The following ULK4 variants were observed in gnomAD, a reference collection of about 807,000 sequenced individuals.
ULK4 encodes the protein inactive serine/threonine-protein kinase ULK4.
Under a neutral mutation model 160.6 loss-of-function variants are expected in ULK4, and 133 were observed. The observed-to-expected ratio is 0.83, with a 90% CI of 0.72 to 0.96. The LOEUF (loss-of-function observed/expected upper bound fraction) is 0.96, where lower values mean the gene tolerates loss of function less well. Ranked by LOEUF, ULK4 falls within the 40% of genes least tolerant of loss-of-function variation. The pLI, the probability that ULK4 is intolerant of heterozygous loss-of-function variation, is 0.00. For missense variants in ULK4, 1,580 were observed against 1,499.5 expected (o/e 1.05, Z -0.89); for synonymous variants, 534 against 539.8 (o/e 0.99, Z 0.15).
intron 35 of ULK4, among the ~76,000 whole-genome samples, chr3:41,337,145 T>C (rs1575444787): frequency 6.6e-6 from 1 of 152,228 alleles, no homozygotes; most frequent in Non-Finnish European, 1.5e-5. Flanking sequence ...CCAGGTCTTA[T>C]GATTTAAGGT....
chr3:41,460,837 A>T (rs1372752962), intron 33 of ULK4, among the ~76,000 whole-genome samples: 1 of 152,082 alleles, frequency 6.6e-6, no homozygotes, highest in Non-Finnish European at 1.5e-5. Flanking sequence ...TCTCACAACC[A>T]CCCCGCAGAG....
At chr3:41,898,822 G>A (rs1472697377) in intron 13 of ULK4, among the ~76,000 whole-genome samples, 1 of 152,208 alleles carries the variant, frequency 6.6e-6, no homozygotes, top group East Asian at 1.9e-4. Flanking sequence ...GCCAAGGTAA[G>A]GCTCTATGCC....
intron 19 of ULK4, among the ~76,000 whole-genome samples, chr3:41,814,257 C>T (rs954169459): frequency 9.2e-5 from 14 of 152,180 alleles, no homozygotes; most frequent in African/African-American, 3.4e-4. Flanking sequence ...TGCTTTACAC[C>T]ATACAAGCTT....
chr3:41,322,504 A>G (rs1377167113), intron 35 of ULK4, among the ~76,000 whole-genome samples: 1 of 152,180 alleles, frequency 6.6e-6, no homozygotes, highest in Admixed American at 6.5e-5. Flanking sequence ...AGTATCTCTC[A>G]AAGTACTAAC....
At chr3:41,282,484 G>C (rs906189357) in intron 35 of ULK4, among the ~76,000 whole-genome samples, 35 of 152,198 alleles carry the variant, frequency 2.3e-4, no homozygotes, top group Non-Finnish European at 4.4e-4. Flanking sequence ...AGAGGCCTCA[G>C]AAATAACACC....
intron 21 of ULK4, among the ~76,000 whole-genome samples, chr3:41,771,667 C>T (rs2039383251): frequency 6.6e-6 from 1 of 152,132 alleles, no homozygotes; most frequent in Admixed American, 6.6e-5. Context: ...AATACCATCA[C>T]TACCACCACC....
chr3:41,449,046 T>C (rs558575394), intron 34 of ULK4, among the ~76,000 whole-genome samples: 1 of 152,058 alleles, frequency 6.6e-6, no homozygotes, highest in Non-Finnish European at 1.5e-5. Context: ...GTCTCCCAAG[T>C]AGTTGGGACT....
intron 16 of ULK4, among the ~76,000 whole-genome samples, 179 bp from the exon 17 acceptor site, chr3:41,884,131 A>T (rs1463390103): frequency 6.6e-6 from 1 of 152,246 alleles, no homozygotes; most frequent in Non-Finnish European, 1.5e-5. Flanking sequence ...TCTCCCTCGT[A>T]TACTTAGGGA....
At chr3:41,959,688 C>A (rs1223206898) in intron 1 of ULK4, among the ~76,000 whole-genome samples, 2 of 152,012 alleles carry the variant, frequency 1.3e-5, no homozygotes, top group Non-Finnish European at 2.9e-5. Context: ...TCTGTAATCC[C>A]AACGCTTTCG....
chr3:41,646,644 C>G (rs1174025013), intron 30 of ULK4, among the ~76,000 whole-genome samples: 1 of 152,306 alleles, frequency 6.6e-6, no homozygotes, highest in Admixed American at 6.5e-5. Flanking sequence ...TTCATTTCAA[C>G]TATGGTGAAT....
intron 5 of ULK4, among the ~76,000 whole-genome samples, chr3:41,921,041 C>A (rs559266917): frequency 6.6e-6 from 1 of 152,246 alleles, no homozygotes; most frequent in East Asian, 1.9e-4. Context: ...AAATGTGGAC[C>A]AGGCTCACAC....
chr3:41,706,361 T>TTA (rs147319463), intron 25 of ULK4, among the ~76,000 whole-genome samples: 9 of 131,524 alleles, frequency 6.8e-5, no homozygotes, highest in South Asian at 2.3e-4. Flanking sequence ...ATATATATAT[T>TTA]TATATATATA....
chr3:41,688,816 T>C (rs1049600419), intron 27 of ULK4, among the ~76,000 whole-genome samples: 1 of 152,144 alleles, frequency 6.6e-6, no homozygotes, highest in Non-Finnish European at 1.5e-5. Context: ...CTTTTTACCT[T>C]CTCCTAACTG....
At chr3:41,677,277 A>G (rs1159481543) in intron 29 of ULK4, among the ~76,000 whole-genome samples, 4 of 151,458 alleles carry the variant, frequency 2.6e-5, no homozygotes, top group Non-Finnish European at 4.4e-5. Flanking sequence ...CTCTTTATAA[A>G]TGGTATTATA....
At chr3:41,893,922 G>A (rs1446562514) in intron 16 of ULK4, among the ~76,000 whole-genome samples, 1 of 152,156 alleles carries the variant, frequency 6.6e-6, no homozygotes, top group African/African-American at 2.4e-5. Flanking sequence ...ATAACCTGAG[G>A]TCAGAGAAAA....
chr3:41,559,035 C>G (rs368593965), intron 32 of ULK4, among the ~76,000 whole-genome samples: 1 of 141,176 alleles, frequency 7.1e-6, no homozygotes, highest in Admixed American at 7.3e-5. Context: ...CCTACCCCCA[C>G]CCCACAACAG....
chr3:41,489,903 T>G (rs2084686556), intron 32 of ULK4, among the ~76,000 whole-genome samples: 1 of 152,192 alleles, frequency 6.6e-6, no homozygotes, highest in African/African-American at 2.4e-5. Context: ...GGAATCTTTT[T>G]CTTTCCCAAC....
At chr3:41,814,569 G>C (rs1219410934) in intron 19 of ULK4, among the ~76,000 whole-genome samples, 3 of 152,060 alleles carry the variant, frequency 2.0e-5, no homozygotes, top group Admixed American at 1.3e-4. Context: ...GTTTTTGTCT[G>C]TTTTATCAGA....
intron 17 of ULK4, among the ~76,000 whole-genome samples, chr3:41,849,911 C>T (rs902855507): frequency 2.6e-5 from 4 of 152,232 alleles, no homozygotes; most frequent in Admixed American, 2.6e-4. Flanking sequence ...ATGCTGCACC[C>T]ATTAACTCGT....
Sources: gnomAD v4.1 joint callset for allele counts (sites outside exome capture counted in the v4.1 genomes callset) on GRCh38, gnomAD v4.1.1 for gene constraint, MANE v1.5 for transcripts, NCBI Gene and HGNC (gene_info 2026-07-23, HGNC 2026-07-21) for gene names.